The following LSAMP variants were observed in gnomAD, a reference collection of about 807,000 sequenced individuals.
LSAMP encodes the protein limbic system-associated membrane protein.
Under a neutral mutation model 38.6 loss-of-function variants are expected in LSAMP, and 7 were observed. That is an observed-to-expected ratio of 0.18 (90% confidence interval 0.10 to 0.34). The LOEUF (loss-of-function observed/expected upper bound fraction) is 0.34, where lower values mean the gene tolerates loss of function less well. Ranked by LOEUF, LSAMP falls within the 10% of genes least tolerant of loss-of-function variation. The pLI is 1.00. For synonymous variants in LSAMP, 154 were observed against 166.8 expected (o/e 0.92, Z 0.59); for missense variants, 313 against 420.0 (o/e 0.75, Z 2.23).
chr3:115,996,024 AAT>A (rs1209404295), intron 3 of LSAMP, among the ~76,000 whole-genome samples: 4 of 152,088 alleles, frequency 2.6e-5, no homozygotes, highest in African/African-American at 9.6e-5. Context: ...AATACCTTAG[AAT>A]ATATTTTAAA....
chr3:116,153,918 C>T (rs535424325), intron 1 of LSAMP, among the ~76,000 whole-genome samples: 7 of 151,942 alleles, frequency 4.6e-5, no homozygotes, highest in Non-Finnish European at 8.8e-5. Flanking sequence ...TCAAAACCAA[C>T]CAAGCAACTC....
At chr3:116,258,229 G>A (rs976251673) in intron 1 of LSAMP, among the ~76,000 whole-genome samples, 2 of 151,964 alleles carry the variant, frequency 1.3e-5, no homozygotes, top group African/African-American at 4.8e-5. Flanking sequence ...GGATTAATCC[G>A]TCTTCTCCCA....
chr3:115,988,942 TC>T (rs930456486), intron 3 of LSAMP, among the ~76,000 whole-genome samples: 4 of 152,102 alleles, frequency 2.6e-5, no homozygotes, highest in Non-Finnish European at 5.9e-5. Flanking sequence ...ATGTTTTGAC[TC>T]CCTTTCTCTT....
At chr3:115,941,098 G>T (rs2107559265) in intron 3 of LSAMP, among the ~76,000 whole-genome samples, 1 of 152,150 alleles carries the variant, frequency 6.6e-6, no homozygotes, top group East Asian at 1.9e-4. Flanking sequence ...AAACTCAAAT[G>T]ACCCAATTAA....
intron 3 of LSAMP, among the ~76,000 whole-genome samples, chr3:115,858,354 A>G (rs1246582911): frequency 6.6e-6 from 1 of 152,120 alleles, no homozygotes; most frequent in Non-Finnish European, 1.5e-5. Flanking sequence ...TTTACAGACT[A>G]TTGCTCTAAT....
intron 1 of LSAMP, among the ~76,000 whole-genome samples, chr3:116,368,726 A>C (rs959008566): frequency 1.3e-5 from 2 of 152,218 alleles, no homozygotes; most frequent in African/African-American, 2.4e-5. Context: ...ACCAGCTATA[A>C]GTGTAAGATA....
At chr3:116,192,504 G>A (rs1446069687) in intron 1 of LSAMP, among the ~76,000 whole-genome samples, 2 of 152,076 alleles carry the variant, frequency 1.3e-5, no homozygotes, top group South Asian at 2.1e-4. Flanking sequence ...CTCTGCCTGA[G>A]TCTTTGCCTC....
chr3:116,306,955 A>G (rs1372355113), intron 1 of LSAMP, among the ~76,000 whole-genome samples: 1 of 151,962 alleles, frequency 6.6e-6, no homozygotes, highest in Non-Finnish European at 1.5e-5. Context: ...ACTACAACTC[A>G]TTGTCAATCT....
intron 1 of LSAMP, among the ~76,000 whole-genome samples, chr3:116,440,850 G>T (rs1050961693): frequency 2.0e-5 from 3 of 152,128 alleles, no homozygotes; most frequent in African/African-American, 7.2e-5. Flanking sequence ...TACCCAGTAG[G>T]CCCATGCCCA....
At chr3:115,919,854 C>A (rs1937342104) in intron 3 of LSAMP, among the ~76,000 whole-genome samples, 1 of 152,166 alleles carries the variant, frequency 6.6e-6, no homozygotes, top group Admixed American at 6.6e-5. Context: ...TCAGGTGATC[C>A]ACTCACTTTG....
chr3:115,949,503 T>G (rs1300409256), intron 3 of LSAMP, among the ~76,000 whole-genome samples: 1 of 146,516 alleles, frequency 6.8e-6, no homozygotes, highest in African/African-American at 2.4e-5. Context: ...TTCCTGGAAA[T>G]ATACAGCCCT....
intron 1 of LSAMP, among the ~76,000 whole-genome samples, chr3:116,107,414 T>C (rs1474549314): frequency 6.6e-6 from 1 of 152,116 alleles, no homozygotes; most frequent in African/African-American, 2.4e-5. Context: ...CACGCAGACA[T>C]GAGGGCTAGG....
At chr3:116,160,640 C>A in intron 1 of LSAMP, among the ~76,000 whole-genome samples, 1 of 152,132 alleles carries the variant, frequency 6.6e-6, no homozygotes, top group Non-Finnish European at 1.5e-5. Context: ...GTATTACAAA[C>A]CTGCACATAT....
At chr3:116,039,617 ATAT>A (rs1941123163) in intron 2 of LSAMP, among the ~76,000 whole-genome samples, 1 of 152,152 alleles carries the variant, frequency 6.6e-6, no homozygotes, top group African/African-American at 2.4e-5. Context: ...TCTCTTGGGA[ATAT>A]TATTGTTTCA....
chr3:116,167,021 G>A (rs532699361), intron 1 of LSAMP, among the ~76,000 whole-genome samples: 2 of 152,164 alleles, frequency 1.3e-5, no homozygotes, highest in South Asian at 4.1e-4. Context: ...TTGATCTCCT[G>A]ACCTCGTGAT....
chr3:116,254,456 GGGAGAAGGA>G (rs2046724846), intron 1 of LSAMP, among the ~76,000 whole-genome samples: 1 of 152,228 alleles, frequency 6.6e-6, no homozygotes. Flanking sequence ...AAAGGAAGAA[GGGAGAAGGA>G]GGAGGAGGAA....
intron 1 of LSAMP, among the ~76,000 whole-genome samples, chr3:116,319,017 T>G (rs1245508924): frequency 6.8e-6 from 1 of 147,554 alleles, no homozygotes; most frequent in Non-Finnish European, 1.5e-5. Flanking sequence ...CTTCCTTTAG[T>G]GAGGCAAAAT....
chr3:116,130,058 ACT>A (rs1709090978), intron 1 of LSAMP, among the ~76,000 whole-genome samples: 2 of 152,134 alleles, frequency 1.3e-5, no homozygotes, highest in African/African-American at 2.4e-5. Flanking sequence ...ATCTAGGAAC[ACT>A]CTCAGTAGTT....
intron 3 of LSAMP, among the ~76,000 whole-genome samples, chr3:115,907,517 T>A (rs1418965317): frequency 6.6e-6 from 1 of 152,102 alleles, no homozygotes; most frequent in Non-Finnish European, 1.5e-5. Context: ...GAAATAAATT[T>A]CTGTTGTTTG....
Sources: gnomAD v4.1 joint callset for allele counts (sites outside exome capture counted in the v4.1 genomes callset) on GRCh38, gnomAD v4.1.1 for gene constraint, MANE v1.5 for transcripts, NCBI Gene and HGNC (gene_info 2026-07-23, HGNC 2026-07-21) for gene names.